Variants in MUC13 observed in about 807,000 individuals in gnomAD.
The protein encoded by MUC13 is mucin 13, cell surface associated.
MUC13 carries 32 observed loss-of-function variants against 48.3 expected under a neutral mutation model. That is an observed-to-expected ratio of 0.66 (90% CI 0.50 to 0.89). The LOEUF is 0.89. Among genes scored for constraint, MUC13 ranks in the 40% least tolerant of loss-of-function variants. The probability of loss-of-function intolerance (pLI) is 0.00; values close to 1 mark genes in which losing one functional copy is unlikely to be tolerated. For missense variants in MUC13, 571 were observed against 622.8 expected, an observed-to-expected ratio of 0.92 and a Z score of 0.88; for synonymous variants, 199 against 224.9, an observed-to-expected ratio of 0.88 and a Z score of 1.03.
chr3:124,919,704 C>G lies in MUC13; in HGVS notation c.800+530G>C, dbSNP rs556389332. ...TGAGAATCTTCTGCCTCTTTGTTTCCCTAAATAGCACCCAGCACTTGCCAT... is the reference window on the plus strand; with the variant it reads ...TGAGAATCTTCTGCCTCTTTGTTTCGCTAAATAGCACCCAGCACTTGCCAT... On this transcript the variant is annotated intron_variant, in intron 5 of 11. Coordinates refer to ENST00000616727, the MANE Select transcript of MUC13 (RefSeq NM_033049.4). Among the ~76,000 whole-genome samples the G allele has an allele frequency of 7.9e-5, 12 of 152,174 alleles. No individual in the cohort carries two copies. In the East Asian group the frequency reaches 2.1e-3, roughly 27 times the overall value.
chr3:124,913,500 A>T, intron 7 of MUC13, 62 bp downstream of exon 7: 1 of 1,609,460 alleles, frequency 6.2e-7, no homozygotes, highest in Non-Finnish European at 8.5e-7. Flanking sequence ...TGAATTTTTT[A>T]TGTTGCAAAA....
intron 10 of MUC13, among the ~76,000 whole-genome samples, chr3:124,909,490 G>A (rs1262573290): frequency 8.1e-5 from 3 of 37,014 alleles, no homozygotes; most frequent in Admixed American, 2.6e-4. Context: ...GCTTGCGTGT[G>A]TGTGTGTGTG....
At chr3:124,929,084 A>C (rs1935746974) in intron 1 of MUC13, among the ~76,000 whole-genome samples, 1 of 152,216 alleles carries the variant, frequency 6.6e-6, no homozygotes. Context: ...TGGATATCAA[A>C]GTCGCATTTT....
chr3:124,910,471 G>A lies in MUC13; in HGVS notation c.1281C>T (p.Gly427=), dbSNP rs1935402190. The change falls in exon 10 of 12, where the codon GGC becomes GGT. Residue 427 remains glycine (G), a synonymous_variant. Coordinates refer to ENST00000616727, the MANE Select transcript of MUC13 (RefSeq NM_033049.4). ...DKFQLILTIV[G]TIAGIVILSM... ...TGAGAATGACAATGCCAGCGATGGT[G>A]CCCACAATAGTGAGGATCAGCTGAA... The A allele has an allele frequency of 1.2e-6, 2 of 1,614,072 alleles. No individual in the cohort carries two copies. The highest frequency in any genetic ancestry group is 1.7e-5 in the Admixed American group (1 of 60,016).
At chr3:124,916,622 CG>C in intron 5 of MUC13, 142 bp from the exon 6 acceptor site, 9 of 811,522 alleles carry the variant, frequency 1.1e-5, no homozygotes, top group East Asian at 5.4e-5. Context: ...ATATGGAGGC[CG>C]GGGGCTGCAA....
intron 1 of MUC13, 38 bp from the exon 2 acceptor site, chr3:124,928,031 C>A: frequency 7.0e-6 from 9 of 1,291,730 alleles, no homozygotes; most frequent in Non-Finnish European, 9.6e-6. Flanking sequence ...GGAGACAGTA[C>A]ATTGAATAAC....
intron 6 of MUC13, among the ~76,000 whole-genome samples, chr3:124,915,453 C>A (rs1049699627): frequency 1.3e-5 from 2 of 152,184 alleles, no homozygotes; most frequent in Non-Finnish European, 2.9e-5. Context: ...CCATGTGGAG[C>A]AGAGACAAAC....
chr3:124,925,369 T>C (rs1935670708), intron 2 of MUC13, among the ~76,000 whole-genome samples: 1 of 152,196 alleles, frequency 6.6e-6, no homozygotes, highest in Non-Finnish European at 1.5e-5. Context: ...TAATAGTGGA[T>C]GCATGCCATT....
chr3:124,911,894 G>C (rs1196229780), intron 9 of MUC13, among the ~76,000 whole-genome samples: 1 of 152,174 alleles, frequency 6.6e-6, no homozygotes, highest in East Asian at 1.9e-4. Flanking sequence ...GCTGAGTTCT[G>C]TTATTTTCTA....
intron 2 of MUC13, among the ~76,000 whole-genome samples, chr3:124,925,169 T>C (rs546353935): frequency 2.6e-5 from 4 of 152,158 alleles, no homozygotes; most frequent in Non-Finnish European, 5.9e-5. Flanking sequence ...TATCAAGCCA[T>C]GAAAAGACAT....
At chr3:124,917,819 G>C (rs1217811047) in intron 5 of MUC13, among the ~76,000 whole-genome samples, 1 of 152,142 alleles carries the variant, frequency 6.6e-6, no homozygotes, top group Non-Finnish European at 1.5e-5. Flanking sequence ...AGGTGTACTT[G>C]ATAAAAATTA....
At position 124,908,292 on chromosome 3, in the gene MUC13, T is replaced by C; in HGVS notation, c.1394A>G (p.Gln465Arg). ...EEENLIDEDF[Q>R]NLKLRSTGFT... ...GCCTGTCGACCGCAGTTTTAGATTT[T>C]GAAAGTCTTCGTCAATCAAGTTCTC... The change falls in exon 11 of 12, where the codon CAA becomes CGA. Residue 465 changes from glutamine (Q) to arginine (R), a missense_variant. Coordinates refer to ENST00000616727, the MANE Select transcript of MUC13 (RefSeq NM_033049.4). The C allele has an allele frequency of 6.2e-7, 1 of 1,614,242 alleles. No homozygotes were observed. Among genetic ancestry groups the C allele is most frequent in the Non-Finnish European group, 8.5e-7 (1 of 1,180,042 alleles).
chr3:124,927,783 G>C lies in MUC13; in HGVS notation c.263C>G (p.Pro88Arg), dbSNP rs780157175. 2.5e-6 allele frequency: 4 copies of C among 1,606,708 alleles called. No homozygotes were observed. The highest frequency in any genetic ancestry group is 3.4e-6 in the Non-Finnish European group (4 of 1,175,820). The change falls in exon 2 of 12, where the codon CCC becomes CGC. Residue 88 changes from proline (P) to arginine (R), a missense_variant. Coordinates refer to ENST00000616727, the MANE Select transcript of MUC13 (RefSeq NM_033049.4). ...SSSTIPTPAPPIISTHSSSTI... is the reference protein window; with the variant it reads ...SSSTIPTPAPRIISTHSSSTI... The stretch of plus-strand genomic sequence containing the variant: ...GGAGGAACTATGTGTACTAATTATG[G>C]GGGGAGCAGGTGTAGGAATTGTGGA...
chr3:124,932,584 G>A (rs1427690861), intron 1 of MUC13, among the ~76,000 whole-genome samples: 1 of 151,598 alleles, frequency 6.6e-6, no homozygotes, highest in East Asian at 1.9e-4. Context: ...AAAAAAGAAA[G>A]AAAGAAAAGA....
intron 1 of MUC13, 93 bp downstream of exon 1, chr3:124,934,567 TG>T: frequency 2.4e-6 from 2 of 837,050 alleles, no homozygotes; most frequent in Non-Finnish European, 4.1e-6. Context: ...GACCATGTGC[TG>T]GGCTGGGAGA....
rs183151132 is a variant in MUC13, at chr3:124,930,670, C to T, written c.53-2677G>A. ...AGGTTTCAATGGGAAAATATATGCCCTGACCTGGTTTCTTTCTGGGGAACA... is the reference window on the plus strand; with the variant it reads ...AGGTTTCAATGGGAAAATATATGCCTTGACCTGGTTTCTTTCTGGGGAACA... On this transcript the variant is annotated intron_variant, in intron 1 of 11. Transcript: ENST00000616727. Among the ~76,000 whole-genome samples, 426 of 152,272 alleles carry T rather than the reference C, an allele frequency of 2.8e-3. 3 individuals are homozygous for T. Among genetic ancestry groups the T allele is most frequent in the African/African-American group, 9.7e-3 (403 of 41,550 alleles).
Position 124,913,692 on chromosome 3 carries a change from C to T in MUC13, c.965-11G>A. On this transcript the variant is annotated splice_polypyrimidine_tract_variant and intron_variant, in intron 6 of 11. Transcript: ENST00000616727. ...CACACCGAAGGGTCACTGAGAAGCA[C>T]AAATAGTTTAAAAATATATTCAGCA... The T allele has an allele frequency of 6.2e-7, 1 of 1,614,040 alleles. No homozygotes were observed. Among genetic ancestry groups the T allele is most frequent in the Non-Finnish European group, 8.5e-7 (1 of 1,179,942 alleles).
At chr3:124,908,466 G>T in intron 10 of MUC13, 118 bp from the exon 11 acceptor site, 1 of 857,712 alleles carries the variant, frequency 1.2e-6, no homozygotes, top group Non-Finnish European at 1.8e-6. Flanking sequence ...TTATTTGTAA[G>T]TTACAAAATA....
At chr3:124,907,904 T>A (rs1381378004) in intron 11 of MUC13, among the ~76,000 whole-genome samples, 1 of 152,144 alleles carries the variant, frequency 6.6e-6, no homozygotes, top group Non-Finnish European at 1.5e-5. Context: ...TAAGCTGACC[T>A]TTTTACAGAT....
Sources: allele counts gnomAD v4.1 joint callset (sites outside exome capture counted in the v4.1 genomes callset), GRCh38; gene constraint gnomAD v4.1.1; transcripts MANE v1.5; gene names NCBI Gene and HGNC (gene_info 2026-07-23, HGNC 2026-07-21).